CNIH3: variants seen among roughly 807,000 people sequenced by gnomAD.
The protein encoded by CNIH3 is protein cornichon homolog 3.
A neutral mutation model predicts 24.1 loss-of-function variants in CNIH3; 14 were observed. The ratio of observed to expected loss-of-function variants is 0.58; its 90% CI spans 0.38 to 0.91. The LOEUF is 0.91. Among genes scored for constraint, CNIH3 ranks in the 40% least tolerant of loss-of-function variants. The pLI, the probability that CNIH3 is intolerant of heterozygous loss-of-function variation, is 0.00. For synonymous variants in CNIH3, 68 were observed against 73.8 expected (o/e 0.92, Z 0.40); for missense variants, 178 against 196.8 (o/e 0.90, Z 0.57).
At chr1:224,650,793 G>T (rs1558253705) in intron 1 of CNIH3, among the ~76,000 whole-genome samples, 1 of 152,218 alleles carries the variant, frequency 6.6e-6, no homozygotes, top group Non-Finnish European at 1.5e-5. Context: ...CTGAGAGGAT[G>T]ACAGGGGAGA....
At chr1:224,449,108 G>T (rs1457990597) in intron 1 of CNIH3, among the ~76,000 whole-genome samples, 1 of 151,856 alleles carries the variant, frequency 6.6e-6, no homozygotes. Context: ...GGGATTACAG[G>T]TGCCTGCCAC....
At position 224,458,599 on chromosome 1, in the gene CNIH3, AC is replaced by A; in HGVS notation, n.203+23739del. ...ATTCCAACCTTCCACTGTTGAACAG[AC>A]CTCCTACCACTTTCCTACTACTCCC... On this transcript the variant is annotated intron_variant and non_coding_transcript_variant, in intron 1 of 5. Coordinates refer to the CNIH3 transcript ENST00000471578. This position sits in a 1 kb window ranked among gnomAD's most constrained non-coding sequence, Gnocchi z 4.3. Among the ~76,000 whole-genome samples the A allele has an allele frequency of 6.6e-6, 1 of 151,542 alleles. No homozygotes were observed. The highest frequency in any genetic ancestry group is 1.5e-5 in the Non-Finnish European group (1 of 67,826).
At chr1:224,467,199 C>G (rs1055532321) in intron 1 of CNIH3, among the ~76,000 whole-genome samples, 1 of 152,008 alleles carries the variant, frequency 6.6e-6, no homozygotes, top group Non-Finnish European at 1.5e-5. Flanking sequence ...CTAATTTTTT[C>G]TGTTTTTTGT....
intron 3 of CNIH3, among the ~76,000 whole-genome samples, chr1:224,599,496 A>G (rs368416741): frequency 6.6e-6 from 1 of 152,166 alleles, no homozygotes; most frequent in East Asian, 1.9e-4. Context: ...TGCCTTTTAC[A>G]TAATTTATTG....
chr1:224,707,476 G>C (rs1470526377), intron 3 of CNIH3, among the ~76,000 whole-genome samples: 1 of 137,740 alleles, frequency 7.3e-6, no homozygotes, highest in African/African-American at 2.7e-5. Flanking sequence ...GGATGATTGA[G>C]AGTTAACCAC....
At chr1:224,737,264 T>C (rs894722940) in intron 5 of CNIH3, among the ~76,000 whole-genome samples, 1 of 152,004 alleles carries the variant, frequency 6.6e-6, no homozygotes, top group Admixed American at 6.5e-5. Flanking sequence ...TCCTCTCGGT[T>C]AGATGGGTGT....
At chr1:224,552,980 A>G (rs1679986284) in intron 3 of CNIH3, among the ~76,000 whole-genome samples, 1 of 150,446 alleles carries the variant, frequency 6.6e-6, no homozygotes. Flanking sequence ...CAGGGTGTAC[A>G]CACAAGGTGT....
At chr1:224,523,298 A>C (rs1490222609) in intron 2 of CNIH3, among the ~76,000 whole-genome samples, 1 of 152,306 alleles carries the variant, frequency 6.6e-6, no homozygotes, top group East Asian at 1.9e-4. Context: ...AGAAAACCTA[A>C]ATACCCATCA....
Position 224,498,762 on chromosome 1 carries a change from A to T in CNIH3, n.204-16979A>T, listed in dbSNP as rs535482946. ...CCATGCGCTGCTTCAGCACAGGGGA[A>T]GATGCGGGGGGCAAGGAACCTTCAC... On this transcript the variant is annotated intron_variant and non_coding_transcript_variant, in intron 1 of 5. Transcript: ENST00000471578. Among the ~76,000 whole-genome samples, 6 of 152,362 alleles carry T rather than the reference A, an allele frequency of 3.9e-5. No homozygotes were observed. In the East Asian group the frequency reaches 7.7e-4, roughly 20 times the overall value.
intron 1 of CNIH3, among the ~76,000 whole-genome samples, chr1:224,447,016 A>T (rs1002870317): frequency 6.6e-6 from 1 of 152,180 alleles, no homozygotes; most frequent in Non-Finnish European, 1.5e-5. Context: ...GCAAGTAAAA[A>T]TGTAAAGAAC....
chr1:224,572,742 G>A (rs1268627112), intron 4 of CNIH3, among the ~76,000 whole-genome samples: 1 of 151,710 alleles, frequency 6.6e-6, no homozygotes, highest in African/African-American at 2.4e-5. Flanking sequence ...ACAATGTTAA[G>A]TCTGCCAATC....
At chr1:224,599,835 G>T (rs1039547635) in intron 3 of CNIH3, among the ~76,000 whole-genome samples, 1 of 152,048 alleles carries the variant, frequency 6.6e-6, no homozygotes, top group African/African-American at 2.4e-5. Flanking sequence ...CTAAAATATG[G>T]TTTAATTTTC....
downstream of CNIH3, among the ~76,000 whole-genome samples, chr1:224,541,673 G>A (rs1342501412): frequency 1.3e-5 from 2 of 152,142 alleles, no homozygotes; most frequent in Non-Finnish European, 2.9e-5. Flanking sequence ...GCTACCAGAG[G>A]AACAAGCACA....
At chr1:224,477,229 G>A (rs1676623825) in intron 1 of CNIH3, among the ~76,000 whole-genome samples, 2 of 152,214 alleles carry the variant, frequency 1.3e-5, no homozygotes, top group East Asian at 1.9e-4. Flanking sequence ...GGCTTTCTTG[G>A]TATGTTCCTA....
chr1:224,455,330 G>T (rs774072048), intron 1 of CNIH3, among the ~76,000 whole-genome samples: 1 of 152,092 alleles, frequency 6.6e-6, no homozygotes, highest in African/African-American at 2.4e-5. Flanking sequence ...TGAGGTGGGG[G>T]CCTGAATCCA....
At chr1:224,633,239 A>G (rs570557471) in intron 1 of CNIH3, among the ~76,000 whole-genome samples, 10 of 152,108 alleles carry the variant, frequency 6.6e-5, no homozygotes, top group Middle Eastern at 3.4e-3. Flanking sequence ...GTTCACTGCA[A>G]CTTCTGCCTC....
intron 5 of CNIH3, among the ~76,000 whole-genome samples, chr1:224,583,955 C>G (rs752419455): frequency 1.8e-4 from 28 of 152,290 alleles, no homozygotes; most frequent in Middle Eastern, 6.8e-3. Flanking sequence ...ATGTTCTGGA[C>G]CATACCCCAC....
intron 1 of CNIH3, among the ~76,000 whole-genome samples, chr1:224,623,351 C>T (rs1683375443): frequency 6.6e-6 from 1 of 152,182 alleles, no homozygotes; most frequent in Admixed American, 6.5e-5. Context: ...TCCTGTCGCT[C>T]CTGTAGTGGA....
chr1:224,674,087 A>G (rs1375656307), intron 1 of CNIH3, among the ~76,000 whole-genome samples: 1 of 152,206 alleles, frequency 6.6e-6, no homozygotes, highest in African/African-American at 2.4e-5. Flanking sequence ...AGTGCAGTAC[A>G]CATGCAAGGT....
Sources: gnomAD v4.1 joint callset for allele counts (sites outside exome capture counted in the v4.1 genomes callset) on GRCh38, gnomAD v4.1.1 for gene constraint, Gnocchi (gnomAD v3.1) non-coding constraint, MANE v1.5 for transcripts, NCBI Gene and HGNC (gene_info 2026-07-23, HGNC 2026-07-21) for gene names.